CPNE4: variants seen among roughly 807,000 people sequenced by gnomAD.
CPNE4 encodes the protein copine-4.
Under a neutral mutation model 67.9 loss-of-function variants are expected in CPNE4, and 25 were observed. The observed-to-expected ratio is 0.37, with a 90% CI of 0.27 to 0.51. The LOEUF (loss-of-function observed/expected upper bound fraction) is 0.51, where lower values mean the gene tolerates loss of function less well. Ranked by LOEUF, CPNE4 falls within the 20% of genes least tolerant of loss-of-function variation. The pLI, the probability that CPNE4 is intolerant of heterozygous loss-of-function variation, is 0.93. For synonymous variants in CPNE4, 242 were observed against 244.9 expected (o/e 0.99, Z 0.11); for missense variants, 464 against 690.8 (o/e 0.67, Z 3.68).
chr3:131,774,676 T>A (rs2083252607), intron 2 of CPNE4, among the ~76,000 whole-genome samples: 1 of 152,104 alleles, frequency 6.6e-6, no homozygotes, highest in Admixed American at 6.6e-5. Flanking sequence ...TCTTTGGTGC[T>A]TCAGGGTCTT....
intron 7 of CPNE4, among the ~76,000 whole-genome samples, chr3:131,659,338 G>A (rs913576447): frequency 6.6e-6 from 1 of 151,712 alleles, no homozygotes; most frequent in Non-Finnish European, 1.5e-5. Context: ...TTTTCCCCAA[G>A]TATCTTCCCA....
chr3:131,863,708 A>G (rs2086797230), intron 2 of CPNE4, among the ~76,000 whole-genome samples: 1 of 152,108 alleles, frequency 6.6e-6, no homozygotes, highest in Admixed American at 6.5e-5. Flanking sequence ...TCTTTAGTTT[A>G]ATTAGATCCC....
chr3:131,684,759 A>G (rs2080846807), intron 6 of CPNE4, among the ~76,000 whole-genome samples: 1 of 152,198 alleles, frequency 6.6e-6, no homozygotes, highest in Non-Finnish European at 1.5e-5. Context: ...CAAGAATATC[A>G]CTTCCTTCTT....
intron 7 of CPNE4, among the ~76,000 whole-genome samples, chr3:131,651,963 C>T (rs1472151049): frequency 1.3e-5 from 2 of 152,184 alleles, no homozygotes; most frequent in African/African-American, 4.8e-5. Context: ...CAAATCCCAA[C>T]ACCGGTGTAC....
intron 2 of CPNE4, among the ~76,000 whole-genome samples, chr3:131,818,614 G>T (rs567972454): frequency 1.7e-4 from 26 of 152,288 alleles, no homozygotes; most frequent in African/African-American, 6.3e-4. Context: ...CTAACCTGTT[G>T]AATCAGAATC....
At chr3:131,549,849 G>A in intron 14 of CPNE4, 98 bp downstream of exon 14, 2 of 1,349,526 alleles carry the variant, frequency 1.5e-6, no homozygotes, top group South Asian at 1.3e-5. Context: ...ACAGGGAGAA[G>A]TGTTGGAATT....
intron 7 of CPNE4, among the ~76,000 whole-genome samples, chr3:131,666,514 G>C (rs146855944): frequency 6.6e-6 from 1 of 152,078 alleles, no homozygotes; most frequent in Non-Finnish European, 1.5e-5. Context: ...AAGCAAGGAC[G>C]TTACTAAGTT....
At chr3:131,586,550 C>A (rs1429658605) in intron 8 of CPNE4, among the ~76,000 whole-genome samples, 1 of 152,178 alleles carries the variant, frequency 6.6e-6, no homozygotes, top group Non-Finnish European at 1.5e-5. Context: ...AGGGCTACCT[C>A]CTGTTACATC....
At chr3:131,759,672 C>T (rs1227563069) in intron 2 of CPNE4, among the ~76,000 whole-genome samples, 2 of 152,122 alleles carry the variant, frequency 1.3e-5, no homozygotes, top group South Asian at 2.1e-4. Context: ...GTTGTACTTA[C>T]CAGGCTTTGT....
At chr3:131,771,903 GT>G (rs2083176143) in intron 2 of CPNE4, among the ~76,000 whole-genome samples, 1 of 151,590 alleles carries the variant, frequency 6.6e-6, no homozygotes, top group Non-Finnish European at 1.5e-5. Flanking sequence ...AATTTTTTTT[GT>G]TTGTTTGTTT....
In CPNE4 at chr3:131,615,895, A is replaced by T. The variant is rs1230072087; in HGVS notation, c.682-28313T>A. ...GCAAAACCCCATCTCTCTCTCTCAC[A>T]CACACACACACACACACACACACAC... On this transcript the variant is annotated intron_variant, in intron 7 of 15. Coordinates refer to ENST00000429747, the MANE Select transcript of CPNE4 (RefSeq NM_130808.3). 6.8e-3 allele frequency among the ~76,000 whole-genome samples: 653 copies of T among 96,326 alleles called. 5 individuals are homozygous for T. The highest frequency in any genetic ancestry group is 0.034 in the African/African-American group (598 of 17,388). 63.2% of individuals were successfully genotyped at this position (96,326 alleles called of 152,430 possible). A position where few individuals can be genotyped will look rare whatever the true frequency, so the allele number is the denominator to read the frequency against.
chr3:131,587,647 TG>T (rs1938275148), intron 7 of CPNE4, 65 bp from the exon 8 acceptor site: 1 of 1,180,398 alleles, frequency 8.5e-7, no homozygotes, highest in Middle Eastern at 1.9e-4. Flanking sequence ...CTGAAGGCAA[TG>T]TTAACTTTAG....
intron 1 of CPNE4, among the ~76,000 whole-genome samples, chr3:131,923,704 C>CAAAAAAAAAAAAAAAAAAAAAAAAA (rs3041574): frequency 5.1e-5 from 2 of 39,286 alleles, no homozygotes; most frequent in Non-Finnish European, 8.1e-5. Context: ...GACTCCGTCT[C>CAAAAAAAAAAAAAAAAAAAAAAAAA]AAAAAAAAAA....
At chr3:132,034,233 C>T (rs1247130522) in intron 1 of CPNE4, among the ~76,000 whole-genome samples, 2 of 151,986 alleles carry the variant, frequency 1.3e-5, no homozygotes, top group Non-Finnish European at 2.9e-5. Flanking sequence ...AAACCGTACC[C>T]CTTCTTCCGC....
Position 131,969,522 on chromosome 3 carries a change from T to G in CPNE4, c.-1-64078A>C, listed in dbSNP as rs181745190. Among the ~76,000 whole-genome samples, 4 of 152,264 alleles carry G rather than the reference T, an allele frequency of 2.6e-5. No individual in the cohort carries two copies. In the East Asian group the frequency reaches 7.7e-4, roughly 29 times the overall value. ...TTGTAAAGGATATTTGTCTCTTAAT[T>G]TTTAGCATATAATAAACTCTCAAGG... is the stretch of plus-strand genomic sequence containing the variant. On this transcript the variant is annotated intron_variant, in intron 1 of 15. Coordinates refer to ENST00000429747, the MANE Select transcript of CPNE4 (RefSeq NM_130808.3).
intron 2 of CPNE4, among the ~76,000 whole-genome samples, chr3:131,801,499 A>T (rs1187336818): frequency 1.6e-5 from 2 of 128,850 alleles, no homozygotes; most frequent in Non-Finnish European, 3.2e-5. Context: ...TGAAGAGTTG[A>T]ATCTATACGA....
chr3:131,714,459 G>A lies in CPNE4; in HGVS notation c.360+8987C>T, dbSNP rs116674848. ...AGCTGTGTACATTGGCCTTTTTGTA[G>A]TGTAAACTTTATAAAGCAACTTTTT... On this transcript the variant is annotated intron_variant, in intron 3 of 15. Transcript: ENST00000429747. Among the ~76,000 whole-genome samples the A allele has an allele frequency of 2.2e-3, 338 of 152,278 alleles. 2 individuals are homozygous for A. In the Middle Eastern group the frequency reaches 0.027, roughly 12 times the overall value.
intron 10 of CPNE4, among the ~76,000 whole-genome samples, chr3:131,566,255 C>T (rs1282544588): frequency 6.6e-6 from 1 of 151,658 alleles, no homozygotes; most frequent in Non-Finnish European, 1.5e-5. Context: ...CTCTTCGTGA[C>T]CAAAATGGGT....
At chr3:131,727,297 A>C (rs1353563019) in intron 2 of CPNE4, among the ~76,000 whole-genome samples, 1 of 152,088 alleles carries the variant, frequency 6.6e-6, no homozygotes, top group African/African-American at 2.4e-5. Flanking sequence ...GAAGCTTTTA[A>C]AAATATCTAA....
Sources: gnomAD v4.1 joint callset for allele counts (sites outside exome capture counted in the v4.1 genomes callset) on GRCh38, gnomAD v4.1.1 for gene constraint, MANE v1.5 for transcripts, NCBI Gene and HGNC (gene_info 2026-07-23, HGNC 2026-07-21) for gene names.